The following LOXHD1 variants were observed in gnomAD, a reference collection of about 807,000 sequenced individuals.
LOXHD1 encodes the protein lipoxygenase homology domain-containing protein 1.
Under a neutral mutation model 248.2 loss-of-function variants are expected in LOXHD1, and 205 were observed. The ratio of observed to expected loss-of-function variants is 0.83; its 90% CI spans 0.74 to 0.93. LOXHD1 has a LOEUF of 0.93. LOXHD1 is among the 40% of genes least tolerant of loss of function. The pLI is 0.00. For missense variants in LOXHD1, 2,930 were observed against 2,971.6 expected, an observed-to-expected ratio of 0.99 and a Z score of 0.33; for synonymous variants, 1,113 against 1,162.8, an observed-to-expected ratio of 0.96 and a Z score of 0.87.
chr18:46,514,470 G>A (rs12965976), intron 34 of LOXHD1, among the ~76,000 whole-genome samples: 255 of 152,292 alleles, frequency 1.7e-3, no homozygotes, highest in Non-Finnish European at 3.1e-3. Flanking sequence ...TAAGCCCTTT[G>A]CAGTCTCAGA....
At position 46,610,913 on chromosome 18, in the gene LOXHD1, G is replaced by A; in HGVS notation, c.622C>T (p.Leu208=). The A allele has an allele frequency of 6.4e-7, 1 of 1,551,788 alleles. No homozygotes were observed. The highest frequency in any genetic ancestry group is 8.7e-7 in the Non-Finnish European group (1 of 1,146,996). The change falls in exon 6 of 41, where the codon CTA becomes TTA. Residue 208 remains leucine, a synonymous_variant. Transcript: ENST00000642948. ...GEYGDTGERR[L]ENEKDNFEKG... ...TCAAAGTTGTCCTTTTCATTTTCTA[G>A]CCTACGCTCCCCTGTATGCACAGAC...
At chr18:46,513,681 C>T (rs933082921) in intron 34 of LOXHD1, among the ~76,000 whole-genome samples, 3 of 152,212 alleles carry the variant, frequency 2.0e-5, no homozygotes, top group East Asian at 3.9e-4. Context: ...GGTGCTGACA[C>T]CTTGATTTCC....
In LOXHD1 at chr18:46,563,044, C is replaced by T. The variant is rs2037562547; in HGVS notation, c.2598+21G>A. The T allele has an allele frequency of 3.3e-6, 5 of 1,524,236 alleles. No homozygotes were observed. The South Asian group carries it at 6.0e-5, about 18-fold the overall frequency. 94.4% of individuals were successfully genotyped at this position (1,524,236 alleles called of 1,614,324 possible). A position where few individuals can be genotyped will look rare whatever the true frequency, so the allele number is the denominator to read the frequency against. ...TCCACTGAGCCTGCTGTTGGCACCC[C>T]CGCTCCTCGACCCCACATACCTGGA... On this transcript the variant is annotated intron_variant, in intron 18 of 40. Transcript: ENST00000642948.
chr18:46,637,012 G>A (rs1264816715), intron 4 of LOXHD1, among the ~76,000 whole-genome samples: 1 of 152,108 alleles, frequency 6.6e-6, no homozygotes, highest in African/African-American at 2.4e-5. Context: ...CGGGTGTGGT[G>A]GTGTACACCT....
At position 46,521,121 on chromosome 18, in the gene LOXHD1, G is replaced by A. The variant is rs367815392; in HGVS notation, c.5247C>T (p.Ala1749=). ...CCTTCACCCCAATGTTCACCACCATGGCATCCAAGAGGTCGAAGACACGGG... is the reference window on the plus strand; with the variant it reads ...CCTTCACCCCAATGTTCACCACCATAGCATCCAAGAGGTCGAAGACACGGG... ...ITSRVFDLLD[A]MVVNIGVKVL... Residue 1749 remains alanine (A), a synonymous_variant, in exon 33 of 41, where the codon GCC becomes GCT. Coordinates refer to ENST00000642948, the MANE Select transcript of LOXHD1 (RefSeq NM_001384474.1). 1.4e-5 allele frequency: 21 copies of A among 1,551,618 alleles called. No homozygotes were observed. The highest frequency in any genetic ancestry group is 1.7e-5 in the Non-Finnish European group (20 of 1,147,014).
chr18:46,484,497 C>G (rs186143625), intron 39 of LOXHD1, among the ~76,000 whole-genome samples: 2 of 152,288 alleles, frequency 1.3e-5, no homozygotes, highest in African/African-American at 4.8e-5. Context: ...CAGGCCCTCA[C>G]CAGACACCAG....
chr18:46,502,584 G>T (rs892201146), intron 37 of LOXHD1, among the ~76,000 whole-genome samples: 3 of 152,160 alleles, frequency 2.0e-5, no homozygotes, highest in Non-Finnish European at 4.4e-5. Flanking sequence ...ATCAGCCTGT[G>T]GAGTCCAGAG....
intron 38 of LOXHD1, among the ~76,000 whole-genome samples, 191 bp from the exon 39 acceptor site, chr18:46,485,342 C>T (rs1317137257): frequency 2.6e-5 from 4 of 151,864 alleles, no homozygotes; most frequent in Admixed American, 1.3e-4. Context: ...GGGGCTACAG[C>T]GAATGCTCTC....
At chr18:46,564,934 G>A (rs1911446744) in intron 17 of LOXHD1, among the ~76,000 whole-genome samples, 1 of 152,186 alleles carries the variant, frequency 6.6e-6, no homozygotes. Flanking sequence ...CTGTGGAAGT[G>A]AGCCTTGGGC....
chr18:46,491,515 T>C (rs1200233774), intron 37 of LOXHD1, among the ~76,000 whole-genome samples: 1 of 152,024 alleles, frequency 6.6e-6, no homozygotes, highest in African/African-American at 2.4e-5. Context: ...GTCAGAGAGG[T>C]CTTTCTACAG....
chr18:46,485,266 G>C (rs1192593493), intron 38 of LOXHD1, 115 bp from the exon 39 acceptor site: 20 of 1,224,128 alleles, frequency 1.6e-5, no homozygotes, highest in Admixed American at 7.2e-5. Context: ...CTGCAGCCTG[G>C]GGGTGGGGGA....
intron 36 of LOXHD1, among the ~76,000 whole-genome samples, chr18:46,506,802 C>A (rs750410572): frequency 1.3e-5 from 2 of 152,180 alleles, no homozygotes; most frequent in Admixed American, 1.3e-4. Context: ...CCATGGCCAA[C>A]AAGTTAATCC....
intron 34 of LOXHD1, among the ~76,000 whole-genome samples, chr18:46,514,738 T>C (rs1344248378): frequency 1.3e-5 from 2 of 152,128 alleles, no homozygotes; most frequent in Non-Finnish European, 2.9e-5. Context: ...CAGAACTCTT[T>C]TGTGACACAA....
chr18:46,557,589 C>G, intron 20 of LOXHD1, 100 bp from the exon 21 acceptor site: 3 of 1,422,094 alleles, frequency 2.1e-6, no homozygotes, highest in Non-Finnish European at 2.9e-6. Context: ...AGCCAGAGGC[C>G]AATGGTGAGA....
chr18:46,534,904 T>C (rs551151591), intron 26 of LOXHD1, among the ~76,000 whole-genome samples: 47 of 152,346 alleles, frequency 3.1e-4, no homozygotes, highest in Admixed American at 7.2e-4. Flanking sequence ...TGCTCCCACA[T>C]AGAAATGCCA....
At chr18:46,498,401 ATTAT>A (rs541048084) in intron 37 of LOXHD1, among the ~76,000 whole-genome samples, 96 of 152,298 alleles carry the variant, frequency 6.3e-4, no homozygotes, top group Admixed American at 1.1e-3. Flanking sequence ...TCCCTACTAT[ATTAT>A]TTTCCTAGGC....
chr18:46,608,181 G>GA (rs920352450), intron 6 of LOXHD1, among the ~76,000 whole-genome samples: 2 of 151,832 alleles, frequency 1.3e-5, no homozygotes, highest in Non-Finnish European at 2.9e-5. Flanking sequence ...CATCTGGCAG[G>GA]AAAAAAAATT....
At chr18:46,655,961 G>A (rs926261262) in intron 1 of LOXHD1, among the ~76,000 whole-genome samples, 1 of 152,230 alleles carries the variant, frequency 6.6e-6, no homozygotes, top group African/African-American at 2.4e-5. Flanking sequence ...GACAGGAAGA[G>A]GGAGAAAGGG....
intron 1 of LOXHD1, among the ~76,000 whole-genome samples, chr18:46,653,969 A>T (rs2039145880): frequency 6.6e-6 from 1 of 152,238 alleles, no homozygotes; most frequent in African/African-American, 2.4e-5. Flanking sequence ...TATCATCATC[A>T]TCACCATTGC....
Sources: gnomAD v4.1 joint callset for allele counts (sites outside exome capture counted in the v4.1 genomes callset) on GRCh38, gnomAD v4.1.1 for gene constraint, MANE v1.5 for transcripts, NCBI Gene and HGNC (gene_info 2026-07-23, HGNC 2026-07-21) for gene names.